Variants in BRIP1 observed in about 807,000 individuals in gnomAD.
BRIP1 encodes the protein BRCA1 interacting DNA helicase 1, also known as Fanconi anemia group J protein.
In BRIP1, 88 loss-of-function variants were observed where a neutral mutation model predicts 119.7. The ratio of observed to expected loss-of-function variants is 0.74; its 90% confidence interval spans 0.62 to 0.88. The LOEUF is 0.88. Among genes scored for constraint, BRIP1 ranks in the 40% least tolerant of loss-of-function variants. BRIP1 has a pLI of 0.00. For missense variants in BRIP1, 1,259 were observed against 1,455.4 expected, an observed-to-expected ratio of 0.87 and a Z score of 2.20; for synonymous variants, 443 against 496.5, an observed-to-expected ratio of 0.89 and a Z score of 1.43.
In BRIP1 at chr17:61,760,833, C is replaced by A. The variant is rs532476582; in HGVS notation, c.2097+15568G>T. On this transcript the variant is annotated intron_variant, in intron 14 of 19. Coordinates refer to ENST00000259008, the MANE Select transcript of BRIP1 (RefSeq NM_032043.3). This position sits in a 1 kb window ranked among gnomAD's most constrained non-coding sequence, Gnocchi z 4.6. ...TGAATTCTACCTAACAGTTAAAGAA[C>A]TAATACCAATCATTCTCAAATGCTT... Among the ~76,000 whole-genome samples, 1 of 152,072 alleles carries A rather than the reference C, an allele frequency of 6.6e-6. No homozygotes were observed. The highest frequency in any genetic ancestry group is 2.1e-4 in the South Asian group (1 of 4,830).
At chr17:61,782,388 GAAAAA>G (rs10661242) in intron 11 of BRIP1, among the ~76,000 whole-genome samples, 2 of 113,054 alleles carry the variant, frequency 1.8e-5, no homozygotes, top group Non-Finnish European at 3.4e-5. Context: ...TCCCGTCTCA[GAAAAA>G]AAAAAAAAAA....
chr17:61,695,153 TTTGAG>T lies in BRIP1; in HGVS notation c.2493-1646_2493-1642del, dbSNP rs762907456. 1.3e-4 allele frequency among the ~76,000 whole-genome samples: 20 copies of T among 152,058 alleles called. No homozygotes were observed. The highest frequency in any genetic ancestry group is 3.3e-4 in the Admixed American group (5 of 15,268). On this transcript the variant is annotated intron_variant, in intron 17 of 19. Transcript: ENST00000259008. This position sits in a 1 kb window ranked among gnomAD's most constrained non-coding sequence, Gnocchi z 4.3. ...TTGCCTTTTTCTGTCTTTGATCCAC[TTTGAG>T]TTAACTTTTGTATATGGTGTGAGGT...
At position 61,824,605 on chromosome 17, in the gene BRIP1, T is replaced by C. The variant is rs2078377314; in HGVS notation, c.628-15848A>G. 6.6e-6 allele frequency among the ~76,000 whole-genome samples: 1 copy of C among 152,220 alleles called. No homozygotes were observed. The highest frequency in any genetic ancestry group is 1.5e-5 in the Non-Finnish European group (1 of 68,038). On this transcript the variant is annotated intron_variant, in intron 6 of 19. Transcript: ENST00000259008. The surrounding 1 kb of genome is among the most constrained non-coding windows in gnomAD (Gnocchi z 4.3). ...AATGGTGCAGGGAAACCTGGATATC[T>C]ACACACAAACAATGAAGTTGCACCA...
rs999525282 is a variant in BRIP1, at chr17:61,774,356, G to A, written c.2097+2045C>T. On this transcript the variant is annotated intron_variant, in intron 14 of 19. Transcript: ENST00000259008. This position sits in a 1 kb window ranked among gnomAD's most constrained non-coding sequence, Gnocchi z 5.8. ...AAAGACAGAAAACCAAACACCGCATGTTCTCACTCATAGGTGGGAATTGAA... is the reference window on the plus strand; with the variant it reads ...AAAGACAGAAAACCAAACACCGCATATTCTCACTCATAGGTGGGAATTGAA... Among the ~76,000 whole-genome samples, 17 of 152,114 alleles carry A rather than the reference G, an allele frequency of 1.1e-4. No homozygotes were observed. The highest frequency in any genetic ancestry group is 2.4e-4 in the Non-Finnish European group (16 of 68,020).
chr17:61,727,151 A>C (rs932851902), intron 16 of BRIP1, among the ~76,000 whole-genome samples: 4 of 152,192 alleles, frequency 2.6e-5, no homozygotes, highest in African/African-American at 9.7e-5. Context: ...AAAAGGCAAG[A>C]TTGCTCATGG....
intron 6 of BRIP1, among the ~76,000 whole-genome samples, chr17:61,812,764 A>G (rs1346050985): frequency 2.6e-5 from 4 of 152,078 alleles, no homozygotes; most frequent in Admixed American, 6.5e-5. Flanking sequence ...GTGTTTAATA[A>G]ATTATATTCC....
intron 6 of BRIP1, among the ~76,000 whole-genome samples, chr17:61,840,118 G>A (rs1425505254): frequency 2.0e-5 from 3 of 152,192 alleles, no homozygotes; most frequent in Middle Eastern, 3.4e-3. Context: ...CAGCACTTTG[G>A]GAGGCCGAGG....
In BRIP1 at chr17:61,744,555, C is replaced by T. The variant is rs2077033501; in HGVS notation, c.2134G>A (p.Gly712Ser). The T allele has an allele frequency of 6.2e-7, 1 of 1,613,782 alleles. No individual in the cohort carries two copies. Among genetic ancestry groups the T allele is most frequent in the Non-Finnish European group, 8.5e-7 (1 of 1,179,816 alleles). Reference protein sequence around the residue: ...EKLKERWLSTGLWHNLELVKT... With the variant: ...EKLKERWLSTSLWHNLELVKT... Reference sequence around the variant, plus strand: ...ACCAACTCCAGATTATGCCATAAACCAGTAGAGAGCCAACGTTCTTTTAAT... The same window carrying T: ...ACCAACTCCAGATTATGCCATAAACTAGTAGAGAGCCAACGTTCTTTTAAT... The change falls in exon 15 of 20, where the codon GGT (glycine) becomes AGT (serine). Residue 712 changes from glycine (G) to serine (S), a missense_variant. Physicochemically the swap from Gly to Ser is moderately conservative, Grantham distance 56. Transcript: ENST00000259008. This position sits in a 1 kb window ranked among gnomAD's most constrained non-coding sequence, Gnocchi z 5.0.
chr17:61,745,939 A>G lies in BRIP1; in HGVS notation c.2098-1348T>C, dbSNP rs961262600. On this transcript the variant is annotated intron_variant, in intron 14 of 19. Transcript: ENST00000259008. This position sits in a 1 kb window ranked among gnomAD's most constrained non-coding sequence, Gnocchi z 4.4. The stretch of plus-strand genomic sequence containing the variant: ...TAATAATAAAGCTGAATAAATGAAA[A>G]AGACAAAAGCTAATATTAGAGATTA... 6.6e-5 allele frequency among the ~76,000 whole-genome samples: 10 copies of G among 152,316 alleles called. No individual in the cohort carries two copies. Among genetic ancestry groups the G allele is most frequent in the African/African-American group, 2.2e-4 (9 of 41,580 alleles).
Position 61,775,885 on chromosome 17 carries a change from A to ATTATT in BRIP1, c.2097+511_2097+515dup, listed in dbSNP as rs1382310218. The ATTATT allele has an allele frequency of 1.3e-5, 2 of 155,166 alleles. No individual in the cohort carries two copies. Among genetic ancestry groups the ATTATT allele is most frequent in the African/African-American group, 4.8e-5 (2 of 41,440 alleles). 9.6% of individuals were successfully genotyped at this position (155,166 alleles called of 1,614,324 possible). A position where few individuals can be genotyped will look rare whatever the true frequency, so the allele number is the denominator to read the frequency against. ...TGCTTGAAGACTTTTATTCTTTCAGATTATTTTATTTTATTTTAGAGAGAG... is the reference window on the plus strand; with the variant it reads ...TGCTTGAAGACTTTTATTCTTTCAGATTATTTTATTTTATTTTATTTTAGAGAGAG... On this transcript the variant is annotated intron_variant, in intron 14 of 19. Coordinates refer to ENST00000259008, the MANE Select transcript of BRIP1 (RefSeq NM_032043.3). This position sits in a 1 kb window ranked among gnomAD's most constrained non-coding sequence, Gnocchi z 4.4.
At chr17:61,719,223 T>C (rs975659649) in intron 16 of BRIP1, among the ~76,000 whole-genome samples, 4 of 146,422 alleles carry the variant, frequency 2.7e-5, no homozygotes, top group African/African-American at 1.0e-4. Flanking sequence ...AACCAAGATA[T>C]GGAATCAACC....
rs1187954813 is a variant in BRIP1 at position 61,795,657 on chromosome 17, G to C, written c.1341-1928C>G. ...CATTTTCTTTATCCATTCATCTGTT[G>C]ATGGACATTTAGGCTGCTTTCAAAT... On this transcript the variant is annotated intron_variant, in intron 9 of 19. Coordinates refer to ENST00000259008, the MANE Select transcript of BRIP1 (RefSeq NM_032043.3). The surrounding 1 kb of genome is among the most constrained non-coding windows in gnomAD (Gnocchi z 5.6). Among the ~76,000 whole-genome samples, 1 of 152,128 alleles carries C rather than the reference G, an allele frequency of 6.6e-6. No homozygotes were observed. The highest frequency in any genetic ancestry group is 1.5e-5 in the Non-Finnish European group (1 of 67,996).
At chr17:61,750,149 G>A (rs1328969669) in intron 14 of BRIP1, among the ~76,000 whole-genome samples, 6 of 152,098 alleles carry the variant, frequency 3.9e-5, no homozygotes, top group African/African-American at 7.2e-5. Context: ...AGTATGCTAC[G>A]AGCTTCTTAC....
chr17:61,816,013 A>G lies in BRIP1; in HGVS notation c.628-7256T>C, dbSNP rs1018666379. Among the ~76,000 whole-genome samples, 7 of 152,186 alleles carry G rather than the reference A, an allele frequency of 4.6e-5. No individual in the cohort carries two copies. Among genetic ancestry groups the G allele is most frequent in the Admixed American group, 4.6e-4 (7 of 15,274 alleles). On this transcript the variant is annotated intron_variant, in intron 6 of 19. Transcript: ENST00000259008. This position sits in a 1 kb window ranked among gnomAD's most constrained non-coding sequence, Gnocchi z 5.0. The stretch of plus-strand genomic sequence containing the variant: ...TACCTTTTCAACTATTCTTTTTTTA[A>G]AAATTCAAACAGTAGTAGTACCCTA...
intron 16 of BRIP1, among the ~76,000 whole-genome samples, chr17:61,733,258 G>A (rs139381106): frequency 3.9e-5 from 6 of 152,252 alleles, no homozygotes; most frequent in East Asian, 1.9e-4. Flanking sequence ...TGCAATTGGC[G>A]CGAGTCTGTA....
intron 6 of BRIP1, among the ~76,000 whole-genome samples, chr17:61,813,471 G>A (rs999932976): frequency 1.3e-5 from 2 of 151,800 alleles, no homozygotes; most frequent in Non-Finnish European, 2.9e-5. Context: ...ACCAAATACT[G>A]TACCCATGCA....
rs954308885 is a variant in BRIP1 at position 61,687,303 on chromosome 17, T to A, written c.2576-1138A>T. Among the ~76,000 whole-genome samples, 10 of 152,192 alleles carry A rather than the reference T, an allele frequency of 6.6e-5. No individual in the cohort carries two copies. Among genetic ancestry groups the A allele is most frequent in the African/African-American group, 2.4e-4 (10 of 41,466 alleles). On this transcript the variant is annotated intron_variant, in intron 18 of 19. Coordinates refer to ENST00000259008, the MANE Select transcript of BRIP1 (RefSeq NM_032043.3). The surrounding 1 kb of genome is among the most constrained non-coding windows in gnomAD (Gnocchi z 5.1). ...CTATATTTACCTCTTCATTTCAACC[T>A]TTTTATAATCAAAGAAAGCCTTTTC...
At chr17:61,712,687 C>T (rs1299089719) in intron 17 of BRIP1, among the ~76,000 whole-genome samples, 1 of 152,050 alleles carries the variant, frequency 6.6e-6, no homozygotes, top group Non-Finnish European at 1.5e-5. Flanking sequence ...AGGCGGATCA[C>T]AAGGTCAAGA....
chr17:61,779,818 G>A lies in BRIP1; in HGVS notation c.1935+443C>T, dbSNP rs542879543. Among the ~76,000 whole-genome samples the A allele has an allele frequency of 3.3e-5, 5 of 151,864 alleles. No individual in the cohort carries two copies. In the East Asian group the frequency reaches 7.8e-4, roughly 24 times the overall value. On this transcript the variant is annotated intron_variant, in intron 13 of 19. Coordinates refer to ENST00000259008, the MANE Select transcript of BRIP1 (RefSeq NM_032043.3). ...CAAAAAAATAAAAAATTAGCCAGGCGTGCGGCGCACACCTGTAATCTCAGC... is the reference window on the plus strand; with the variant it reads ...CAAAAAAATAAAAAATTAGCCAGGCATGCGGCGCACACCTGTAATCTCAGC...
Sources: gnomAD v4.1 joint callset for allele counts (sites outside exome capture counted in the v4.1 genomes callset) on GRCh38, gnomAD v4.1.1 for gene constraint, Gnocchi (gnomAD v3.1) non-coding constraint, MANE v1.5 for transcripts, NCBI Gene and HGNC (gene_info 2026-07-23, HGNC 2026-07-21) for gene names.